Variants in ANKRD13C observed in about 807,000 individuals in gnomAD.
ANKRD13C encodes the protein ankyrin repeat domain 13C, also known as ankyrin repeat domain-containing protein 13C.
ANKRD13C carries 16 observed loss-of-function variants against 65.5 expected under a neutral mutation model. The observed-to-expected ratio is 0.24, with a 90% CI of 0.17 to 0.37. ANKRD13C has a LOEUF of 0.37. Ranked by LOEUF, ANKRD13C falls within the 10% of genes least tolerant of loss-of-function variation. The pLI, the probability that ANKRD13C is intolerant of heterozygous loss-of-function variation, is 1.00. For missense variants in ANKRD13C, 503 were observed against 655.9 expected, an observed-to-expected ratio of 0.77 and a Z score of 2.55; for synonymous variants, 235 against 238.7, an observed-to-expected ratio of 0.98 and a Z score of 0.14.
At chr1:70,323,780 A>AATGGTGCGATCTC (rs1200766874) in intron 3 of ANKRD13C, among the ~76,000 whole-genome samples, 1 of 148,852 alleles carries the variant, frequency 6.7e-6, no homozygotes, top group Non-Finnish European at 1.5e-5. Context: ...GCTGGAGTGC[A>AATGGTGCGATCTC]ATGGTGCGAT....
chr1:70,342,273 C>T (rs1258839047), intron 1 of ANKRD13C, among the ~76,000 whole-genome samples: 1 of 152,116 alleles, frequency 6.6e-6, no homozygotes, highest in African/African-American at 2.4e-5. Flanking sequence ...GGAGCAGTGG[C>T]TCATGCATGT....
chr1:70,325,806 G>T (rs531602195), intron 2 of ANKRD13C, among the ~76,000 whole-genome samples: 3 of 152,142 alleles, frequency 2.0e-5, no homozygotes, highest in African/African-American at 7.2e-5. Flanking sequence ...TTGAACCCGG[G>T]AGGCAGAGGC....
In ANKRD13C at chr1:70,354,639, G is replaced by T. The variant is rs550614100; in HGVS notation, c.-231C>A. The stretch of plus-strand genomic sequence containing the variant: ...GGGAAGCTAGAACTCAGGTGCCCAC[G>T]ACACCAGGATCTCAGTCTCGCCGTC... On this transcript the variant is annotated 5_prime_UTR_variant, in exon 1 of 13. Transcript: ENST00000370944. The T allele has an allele frequency of 1.9e-6, 2 of 1,027,440 alleles. No individual in the cohort carries two copies. The highest frequency in any genetic ancestry group is 2.7e-6 in the Non-Finnish European group (2 of 729,706). The allele number at this position is 1,027,440 out of a possible 1,614,324, so 63.6% of individuals were successfully genotyped here.
intron 1 of ANKRD13C, among the ~76,000 whole-genome samples, chr1:70,346,838 T>A (rs1221851950): frequency 2.0e-5 from 3 of 152,060 alleles, no homozygotes; most frequent in East Asian, 3.9e-4. Flanking sequence ...ACGCCTGTAA[T>A]CCCAGCATTT....
chr1:70,348,732 C>T (rs560671862), intron 1 of ANKRD13C, among the ~76,000 whole-genome samples: 16 of 152,078 alleles, frequency 1.1e-4, no homozygotes, highest in Non-Finnish European at 8.8e-5. Flanking sequence ...AACTTAAATT[C>T]GAAATCTCTA....
chr1:70,267,802 A>C (rs998458043), intron 12 of ANKRD13C, among the ~76,000 whole-genome samples: 1 of 151,854 alleles, frequency 6.6e-6, no homozygotes, highest in African/African-American at 2.4e-5. Context: ...TGGCTGCTCT[A>C]GGTATACATT....
At chr1:70,266,490 C>T (rs944148862) in intron 12 of ANKRD13C, among the ~76,000 whole-genome samples, 1 of 152,286 alleles carries the variant, frequency 6.6e-6, no homozygotes, top group East Asian at 1.9e-4. Context: ...ATCTAAATGC[C>T]TAGCAAACTA....
intron 1 of ANKRD13C, among the ~76,000 whole-genome samples, chr1:70,348,195 G>A (rs1682608009): frequency 6.6e-6 from 1 of 151,752 alleles, no homozygotes; most frequent in Non-Finnish European, 1.5e-5. Context: ...TCAAAAGGAA[G>A]ATACGAGATT....
rs1025321568 is a variant in ANKRD13C at position 70,261,337 on chromosome 1, T to C, written c.*1380A>G. The C allele has an allele frequency of 1.3e-5, 2 of 152,196 alleles. No individual in the cohort carries two copies. Among genetic ancestry groups the C allele is most frequent in the African/African-American group, 4.8e-5 (2 of 41,566 alleles). 9.4% of individuals were successfully genotyped at this position (152,196 alleles called of 1,614,324 possible). On this transcript the variant is annotated 3_prime_UTR_variant, in exon 13 of 13. Transcript: ENST00000370944. ...GTCTCTAAACTCCTTTCAAATTACC[T>C]AAAATCCTGAAAAAAGTTTAAGCTA...
intron 1 of ANKRD13C, among the ~76,000 whole-genome samples, chr1:70,349,046 G>GAA (rs1682641635): frequency 6.6e-6 from 1 of 151,836 alleles, no homozygotes; most frequent in Admixed American, 6.6e-5. Context: ...TTAACTCAAA[G>GAA]GAAAAAACAA....
intron 3 of ANKRD13C, among the ~76,000 whole-genome samples, chr1:70,319,083 A>G (rs1681195924): frequency 6.6e-6 from 1 of 152,152 alleles, no homozygotes; most frequent in South Asian, 2.1e-4. Flanking sequence ...GTTTTGTTCT[A>G]AATATCTCTT....
At chr1:70,299,424 GT>G (rs1250595037) in intron 7 of ANKRD13C, among the ~76,000 whole-genome samples, 2 of 152,200 alleles carry the variant, frequency 1.3e-5, no homozygotes, top group Non-Finnish European at 2.9e-5. Context: ...TGTTTCTAAA[GT>G]TTAATGTATC....
chr1:70,342,739 AACACACACACACACACACACACAC>A (rs373447795), intron 1 of ANKRD13C, among the ~76,000 whole-genome samples: 2 of 115,260 alleles, frequency 1.7e-5, no homozygotes, highest in South Asian at 2.6e-4. Flanking sequence ...CACACACAAT[AACACACACACACACACACACACAC>A]ACACACACAA....
At chr1:70,279,914 A>C (rs1679314367) in intron 9 of ANKRD13C, among the ~76,000 whole-genome samples, 1 of 152,180 alleles carries the variant, frequency 6.6e-6, no homozygotes, top group South Asian at 2.1e-4. Flanking sequence ...ATCTCAACTA[A>C]GAACTAAGTT....
intron 9 of ANKRD13C, among the ~76,000 whole-genome samples, chr1:70,289,137 G>A (rs1489013714): frequency 1.3e-5 from 2 of 152,184 alleles, no homozygotes; most frequent in Non-Finnish European, 2.9e-5. Context: ...TATATGGGAA[G>A]TGTTTCCTTT....
chr1:70,294,710 C>CA (rs760337762), intron 8 of ANKRD13C, among the ~76,000 whole-genome samples: 17 of 151,788 alleles, frequency 1.1e-4, no homozygotes, highest in Non-Finnish European at 2.4e-4. Flanking sequence ...ACTGTGGCCT[C>CA]AACCTTCTGG....
At chr1:70,274,003 C>T (rs1007311358) in intron 11 of ANKRD13C, among the ~76,000 whole-genome samples, 8 of 151,936 alleles carry the variant, frequency 5.3e-5, no homozygotes, top group African/African-American at 1.9e-4. Flanking sequence ...CAGAAGAAAA[C>T]GTGAACCATT....
chr1:70,306,697 T>C (rs1030353624), intron 5 of ANKRD13C, among the ~76,000 whole-genome samples: 4 of 152,186 alleles, frequency 2.6e-5, no homozygotes, highest in African/African-American at 9.7e-5. Context: ...AAGTAATGTG[T>C]ATAATAGAAA....
chr1:70,262,076 T>C lies in ANKRD13C; in HGVS notation c.*641A>G, dbSNP rs1678408992. 1 of 152,508 alleles carries C rather than the reference T, an allele frequency of 6.6e-6. No homozygotes were observed. The highest frequency in any genetic ancestry group is 1.5e-5 in the Non-Finnish European group (1 of 68,000). The allele number at this position is 152,508 out of a possible 1,614,324, so 9.4% of individuals were successfully genotyped here. A position where few individuals can be genotyped will look rare whatever the true frequency, so the allele number is the denominator to read the frequency against. On this transcript the variant is annotated 3_prime_UTR_variant, in exon 13 of 13. Transcript: ENST00000370944. Reference sequence around the variant, plus strand: ...AGGAGGTACCTTATTCCCTGCAGAGTGAACGCTCCTTCTGAAATGTATTGC... The same window carrying C: ...AGGAGGTACCTTATTCCCTGCAGAGCGAACGCTCCTTCTGAAATGTATTGC...
Sources: gnomAD v4.1 joint callset for allele counts (sites outside exome capture counted in the v4.1 genomes callset) on GRCh38, gnomAD v4.1.1 for gene constraint, MANE v1.5 for transcripts, NCBI Gene and HGNC (gene_info 2026-07-23, HGNC 2026-07-21) for gene names.